Variants in CT55 observed in about 807,000 individuals in gnomAD.
The protein encoded by CT55 is BRCA2-interacting protein.
A neutral mutation model predicts 12.6 loss-of-function variants in CT55; 1 was observed. That is an observed-to-expected ratio of 0.08 (90% CI 0.03 to 0.38). The LOEUF (loss-of-function observed/expected upper bound fraction) is 0.38. Ranked by LOEUF, CT55 falls within the 10% of genes least tolerant of loss-of-function variation. The probability of loss-of-function intolerance (pLI) is 0.99; values close to 1 mark genes in which losing one functional copy is unlikely to be tolerated. For synonymous variants in CT55, 43 were observed against 49.7 expected, an observed-to-expected ratio of 0.87 and a Z score of 0.57; for missense variants, 109 against 135.4, an observed-to-expected ratio of 0.80 and a Z score of 0.97.
intron 2 of CT55, among the ~76,000 whole-genome samples, chrX:135,163,543 TG>T (rs1556405500): frequency 9.1e-6 from 1 of 110,473 alleles, no homozygotes; most frequent in Non-Finnish European, 1.9e-5. Context: ...GGACACGGAA[TG>T]AAAAAAAACT....
At chrX:135,160,773 T>C (rs782273658) in intron 2 of CT55, among the ~76,000 whole-genome samples, 4 of 112,082 alleles carry the variant, frequency 3.6e-5, no homozygotes, top group South Asian at 3.7e-4. Flanking sequence ...ATTAATTGCA[T>C]ACCCAAGTTT....
At chrX:135,165,912 A>T (rs1488261195) in intron 2 of CT55, among the ~76,000 whole-genome samples, 11 of 108,728 alleles carry the variant, frequency 1.0e-4, no homozygotes, top group African/African-American at 3.7e-4. Flanking sequence ...GAGTAAGGAA[A>T]GTGATTCAGT....
intron 2 of CT55, among the ~76,000 whole-genome samples, chrX:135,167,144 A>C (rs781943829): frequency 2.5e-4 from 28 of 112,416 alleles, no homozygotes; most frequent in African/African-American, 9.0e-4. Context: ...CAGCTGAAGC[A>C]GTCTGGAATA....
rs2083546008 is a variant in CT55, at chrX:135,158,253, G to A, written c.483C>T (p.Ile161=). 5.8e-6 allele frequency: 7 copies of A among 1,209,621 alleles called. No homozygotes were observed. The highest frequency in any genetic ancestry group is 2.3e-4 in the Middle Eastern group (1 of 4,350). Residue 161 remains isoleucine, a synonymous_variant, in exon 4 of 6, where the codon ATC becomes ATT. Coordinates refer to ENST00000276241, the MANE Select transcript of CT55 (RefSeq NM_001031705.3). ...LEVEYSTEPG[I]SNIKATSVKP... is the part of the protein sequence containing the mutation. Reference sequence around the variant, plus strand: ...TCACAGAAGTTGCCTTGATGTTTGAGATGCCTGGCTCAGTGGAATATTCAA... The same window carrying A: ...TCACAGAAGTTGCCTTGATGTTTGAAATGCCTGGCTCAGTGGAATATTCAA...
chrX:135,159,001 A>G (rs1312707308), intron 3 of CT55, among the ~76,000 whole-genome samples: 2 of 112,263 alleles, frequency 1.8e-5, no homozygotes, highest in Non-Finnish European at 3.8e-5. Context: ...TAAGACCATC[A>G]AGTTTCAAAC....
At chrX:135,162,136 C>T (rs1321027150) in intron 2 of CT55, among the ~76,000 whole-genome samples, 1 of 112,665 alleles carries the variant, frequency 8.9e-6, no homozygotes, top group Non-Finnish European at 1.9e-5. Flanking sequence ...GTGGATTATA[C>T]AATTAATGTT....
intron 2 of CT55, among the ~76,000 whole-genome samples, chrX:135,166,360 A>T (rs1462872461): frequency 1.8e-5 from 2 of 111,970 alleles, no homozygotes; most frequent in Non-Finnish European, 3.8e-5. Context: ...AAAAAGCCAT[A>T]GGTTCATTCC....
rs782006348 is a variant in CT55 at position 135,158,360 on chromosome X, C to G, written c.425-49G>C. ...GAGTGTCATGATCTCTTAACTAGGTCACTTTTAATTTCACATGTTATTTGA... is the reference window on the plus strand; with the variant it reads ...GAGTGTCATGATCTCTTAACTAGGTGACTTTTAATTTCACATGTTATTTGA... On this transcript the variant is annotated intron_variant, in intron 3 of 5. Transcript: ENST00000276241. 3.1e-5 allele frequency: 24 copies of G among 780,243 alleles called. No homozygotes were observed. In the African/African-American group the frequency reaches 4.7e-4, roughly 15 times the overall value. 64.3% of individuals were successfully genotyped at this position (780,243 alleles called of 1,213,427 possible).
intron 2 of CT55, among the ~76,000 whole-genome samples, chrX:135,169,258 T>C (rs1250319241): frequency 8.9e-6 from 1 of 112,462 alleles, no homozygotes; most frequent in Non-Finnish European, 1.9e-5. Context: ...TGGCTTGACA[T>C]AGAAATTCCA....
chrX:135,171,200 A>G lies in CT55; in HGVS notation c.-29T>C. The G allele has an allele frequency of 3.3e-6, 4 of 1,209,936 alleles. No individual in the cohort carries two copies. The highest frequency in any genetic ancestry group is 4.5e-6 in the Non-Finnish European group (4 of 894,437). On this transcript the variant is annotated 5_prime_UTR_variant, in exon 1 of 6. Transcript: ENST00000276241. ...CCCAGTTGTCACCACCGGCCTGGGC[A>G]CCGCTTGTGGCAGATGAAGCACGAG...
At chrX:135,163,242 C>T (rs1429074908) in intron 2 of CT55, among the ~76,000 whole-genome samples, 1 of 112,482 alleles carries the variant, frequency 8.9e-6, no homozygotes, top group African/African-American at 3.2e-5. Flanking sequence ...CCTAGAGAGA[C>T]AGGAATATAT....
At chrX:135,159,902 G>A (rs1325123808) in intron 3 of CT55, among the ~76,000 whole-genome samples, 5 of 109,581 alleles carry the variant, frequency 4.6e-5, no homozygotes, top group Admixed American at 3.9e-4. Context: ...TATATCTGCC[G>A]ATTACAAAGA....
intron 2 of CT55, among the ~76,000 whole-genome samples, chrX:135,165,013 A>G (rs1258907387): frequency 2.3e-4 from 26 of 112,185 alleles, no homozygotes; most frequent in African/African-American, 7.8e-4. Flanking sequence ...GCAGCAATGA[A>G]CAGATTGTCC....
At chrX:135,170,106 A>G (rs1356399463) in intron 1 of CT55, among the ~76,000 whole-genome samples, 1 of 111,611 alleles carries the variant, frequency 9.0e-6, no homozygotes, top group African/African-American at 3.3e-5. Flanking sequence ...TCCTGGGTTC[A>G]GGTGGTTCTC....
chrX:135,161,072 A>G (rs1435214108), intron 2 of CT55, among the ~76,000 whole-genome samples: 1 of 109,641 alleles, frequency 9.1e-6, no homozygotes, highest in African/African-American at 3.3e-5. Context: ...AGAAGTTAGG[A>G]GCCTAGGGAG....
At chrX:135,163,094 C>G (rs1490974859) in intron 2 of CT55, among the ~76,000 whole-genome samples, 2 of 111,834 alleles carry the variant, frequency 1.8e-5, no homozygotes, top group African/African-American at 3.3e-5. Context: ...AGGATGTCCC[C>G]TAAAAGCTAG....
rs782430107 is a variant in CT55 at position 135,158,114 on chromosome X, A to G, written c.537+85T>C. 3.1e-4 allele frequency: 170 copies of G among 551,876 alleles called. No individual in the cohort carries two copies. The African/African-American group carries it at 3.6e-3, about 12-fold the overall frequency. 45.5% of individuals were successfully genotyped at this position (551,876 alleles called of 1,213,427 possible). A position where few individuals can be genotyped will look rare whatever the true frequency, so the allele number is the denominator to read the frequency against. On this transcript the variant is annotated intron_variant, in intron 4 of 5. Transcript: ENST00000276241. ...TCATATTTTCTGGAATTCCCATTAT[A>G]CCCAACAGAATCCTGGTCACGTAAA...
intron 1 of CT55, among the ~76,000 whole-genome samples, chrX:135,170,297 G>C (rs1326959562): frequency 8.9e-6 from 1 of 112,555 alleles, no homozygotes; most frequent in East Asian, 2.8e-4. Flanking sequence ...GTGAGCCACC[G>C]CGCCCAGCTT....
chrX:135,159,263 T>G (rs1352948686), intron 3 of CT55, among the ~76,000 whole-genome samples: 1 of 110,831 alleles, frequency 9.0e-6, no homozygotes. Context: ...ATACATTTCT[T>G]TTGTGTGGAT....
Sources: allele counts gnomAD v4.1 joint callset (sites outside exome capture counted in the v4.1 genomes callset), GRCh38; gene constraint gnomAD v4.1.1; transcripts MANE v1.5; gene names NCBI Gene and HGNC (gene_info 2026-07-23, HGNC 2026-07-21).